Variants in FBXL13 observed in about 807,000 individuals in gnomAD.
FBXL13 encodes the protein F-box and leucine rich repeat protein 13.
A neutral mutation model predicts 83.6 loss-of-function variants in FBXL13; 67 were observed. The observed-to-expected ratio is 0.80, with a 90% CI of 0.66 to 0.98. The LOEUF is 0.98. Ranked by LOEUF, FBXL13 falls within the 50% of genes least tolerant of loss-of-function variation. The probability of loss-of-function intolerance (pLI) is 0.00; values close to 1 mark genes in which losing one functional copy is unlikely to be tolerated. For missense variants in FBXL13, 822 were observed against 866.5 expected (o/e 0.95, Z 0.64); for synonymous variants, 272 against 299.5 (o/e 0.91, Z 0.95).
At chr7:102,944,590 A>G (rs1227685366) in intron 8 of FBXL13, 13 of 1,606,934 alleles carry the variant, frequency 8.1e-6, no homozygotes, top group Non-Finnish European at 1.1e-5. Flanking sequence ...AAGCGTAATA[A>G]TTACTATAGT....
chr7:102,987,668 C>T (rs1038196764), intron 6 of FBXL13, among the ~76,000 whole-genome samples: 3 of 152,098 alleles, frequency 2.0e-5, no homozygotes, highest in Admixed American at 6.6e-5. Flanking sequence ...TAAATGAAAA[C>T]GCATCTTGAG....
At chr7:102,926,171 G>T in intron 10 of FBXL13, 103 bp downstream of exon 11, 1 of 844,762 alleles carries the variant, frequency 1.2e-6, no homozygotes, top group Non-Finnish European at 1.9e-6. Context: ...CACAGTGGTG[G>T]GGTGTTGATA....
intron 10 of FBXL13, among the ~76,000 whole-genome samples, chr7:102,919,514 A>C (rs902735824): frequency 1.3e-5 from 2 of 152,222 alleles, no homozygotes. Flanking sequence ...AATTGAAGGA[A>C]CACAATTAAG....
intron 10 of FBXL13, among the ~76,000 whole-genome samples, chr7:102,921,620 T>C (rs1415055133): frequency 6.6e-6 from 1 of 151,058 alleles, no homozygotes; most frequent in Non-Finnish European, 1.5e-5. Flanking sequence ...GCGGAGGCTA[T>C]GGTGAGCCGA....
chr7:102,937,265 C>A (rs145536631), intron 8 of FBXL13, among the ~76,000 whole-genome samples: 2 of 151,210 alleles, frequency 1.3e-5, no homozygotes, highest in South Asian at 4.2e-4. Flanking sequence ...TTTGGGAGGC[C>A]GAGGCAGGTG....
chr7:102,817,276 T>C lies in FBXL13; in HGVS notation c.2019-3745A>G, dbSNP rs1471703560. 5.9e-5 allele frequency among the ~76,000 whole-genome samples: 9 copies of C among 152,316 alleles called. No individual in the cohort carries two copies. The East Asian group carries it at 1.5e-3, about 26-fold the overall frequency. ...CATCCTCACCAGCATCTTTTATTTT[T>C]TGACTTTTTAATAATAGCCATTCTG... On this transcript the variant is annotated intron_variant, in intron 19 of 19. Coordinates refer to ENST00000313221, the Ensembl canonical transcript of FBXL13.
At chr7:103,033,507 G>A (rs557631394) in intron 2 of FBXL13, among the ~76,000 whole-genome samples, 17 of 152,304 alleles carry the variant, frequency 1.1e-4, no homozygotes, top group African/African-American at 3.1e-4. Flanking sequence ...GGATGTGTTC[G>A]GAGTTTCTTC....
intron 8 of FBXL13, among the ~76,000 whole-genome samples, chr7:102,960,179 A>C (rs577383660): frequency 1.6e-3 from 248 of 152,254 alleles, no homozygotes; most frequent in African/African-American, 5.2e-3. Context: ...TAGACCCCAA[A>C]AGAGTAGTCA....
intron 10 of FBXL13, among the ~76,000 whole-genome samples, chr7:102,922,268 T>C (rs1297648826): frequency 6.6e-6 from 1 of 151,970 alleles, no homozygotes; most frequent in African/African-American, 2.4e-5. Context: ...AATAGTTGGT[T>C]TAGAAAGTTA....
intron 10 of FBXL13, 24 bp from the exon 12 acceptor site, chr7:102,913,239 G>A: frequency 6.2e-7 from 1 of 1,613,716 alleles, no homozygotes; most frequent in Non-Finnish European, 8.5e-7. Context: ...AGAGAGGAAG[G>A]AAAGTATTAT....
At chr7:103,068,552 G>A (rs1798616221) in intron 1 of FBXL13, among the ~76,000 whole-genome samples, 1 of 152,202 alleles carries the variant, frequency 6.6e-6, no homozygotes, top group African/African-American at 2.4e-5. Flanking sequence ...GCGAGCCATG[G>A]AATTCCAGGG....
intron 11 of FBXL13, among the ~76,000 whole-genome samples, chr7:102,903,924 G>GTTTTCTTTTC (rs768715979): frequency 1.9e-4 from 15 of 78,140 alleles, no homozygotes; most frequent in African/African-American, 8.5e-4. Context: ...TTGGCCTGTA[G>GTTTTCTTTTC]TTTTCTTTTC....
intron 8 of FBXL13, among the ~76,000 whole-genome samples, chr7:102,952,287 T>G (rs1823547993): frequency 6.6e-6 from 1 of 152,164 alleles, no homozygotes; most frequent in South Asian, 2.1e-4. Flanking sequence ...GATGGTTGCA[T>G]AAGAATGTGA....
intron 16 of FBXL13, among the ~76,000 whole-genome samples, chr7:102,876,936 T>A (rs751868807): frequency 4.6e-5 from 7 of 152,220 alleles, no homozygotes; most frequent in Non-Finnish European, 1.0e-4. Flanking sequence ...ATCCTCCTTT[T>A]GATTAGTAAA....
intron 11 of FBXL13, among the ~76,000 whole-genome samples, chr7:102,893,511 A>G (rs950234137): frequency 6.6e-6 from 1 of 152,170 alleles, no homozygotes; most frequent in African/African-American, 2.4e-5. Context: ...TCGCGCCTGT[A>G]ATCCCAGCAC....
At chr7:102,951,155 C>T (rs1033728452) in intron 8 of FBXL13, among the ~76,000 whole-genome samples, 3 of 151,870 alleles carry the variant, frequency 2.0e-5, no homozygotes, top group Admixed American at 6.6e-5. Context: ...TTTGCGAGAA[C>T]CTGAAATTTC....
At chr7:102,934,186 C>T in intron 8 of FBXL13, 1 of 1,614,230 alleles carries the variant, frequency 6.2e-7, no homozygotes. Flanking sequence ...TAGCAAGAAA[C>T]AAGATCCGCA....
chr7:102,996,775 A>T (rs770795317), intron 6 of FBXL13, among the ~76,000 whole-genome samples: 5 of 152,164 alleles, frequency 3.3e-5, no homozygotes, highest in Non-Finnish European at 5.9e-5. Flanking sequence ...CTGGAGGTGG[A>T]GTAGACATAT....
intron 1 of FBXL13, 92 bp from the exon 2 acceptor site, chr7:103,055,839 G>C: frequency 1.9e-6 from 1 of 519,440 alleles, no homozygotes; most frequent in Non-Finnish European, 3.2e-6. Flanking sequence ...ATTTGTTTTG[G>C]GTTTTTTTGG....
Sources: gnomAD v4.1 joint callset for allele counts (sites outside exome capture counted in the v4.1 genomes callset) on GRCh38, gnomAD v4.1.1 for gene constraint, MANE v1.5 for transcripts, NCBI Gene and HGNC (gene_info 2026-07-23, HGNC 2026-07-21) for gene names.